RYR1: variants seen among roughly 807,000 people sequenced by gnomAD.
The protein encoded by RYR1 is central core disease of muscle.
Under a neutral mutation model 583.5 loss-of-function variants are expected in RYR1, and 342 were observed. The observed-to-expected ratio is 0.59, with a 90% CI of 0.54 to 0.64. The LOEUF (loss-of-function observed/expected upper bound fraction) is 0.64. RYR1 is among the 30% of genes least tolerant of loss of function. The pLI is 0.00. For synonymous variants in RYR1, 2,791 were observed against 2,822.5 expected (o/e 0.99, Z 0.35); for missense variants, 6,032 against 6,917.2 (o/e 0.87, Z 4.54).
At chr19:38,521,910 G>A (rs934745920) in intron 67 of RYR1, among the ~76,000 whole-genome samples, 8 of 151,808 alleles carry the variant, frequency 5.3e-5, no homozygotes, top group South Asian at 2.1e-4. Context: ...AGGTTTCACC[G>A]TGTTAGCCAG....
At chr19:38,550,925 C>T (rs915760982) in intron 89 of RYR1, among the ~76,000 whole-genome samples, 15 of 151,140 alleles carry the variant, frequency 9.9e-5, no homozygotes, top group African/African-American at 3.6e-4. Context: ...GCTTTACCAT[C>T]ACTAGGCACC....
At position 38,469,290 on chromosome 19, in the gene RYR1, A is replaced by G. The variant is rs1421593107; in HGVS notation, c.3557-15A>G. On this transcript the variant is annotated splice_polypyrimidine_tract_variant and intron_variant, in intron 26 of 105. Coordinates refer to ENST00000359596, the MANE Select transcript of RYR1 (RefSeq NM_000540.3). ...CACCTGCCCTCACCCCTGCCCATCC[A>G]TCCCCTCCCACCAGGCTTCCTGCCC... 1.2e-6 allele frequency: 2 copies of G among 1,612,502 alleles called. No homozygotes were observed. Among genetic ancestry groups the G allele is most frequent in the East Asian group, 4.5e-5 (2 of 44,842 alleles).
chr19:38,568,969 G>C (rs1419776512), intron 93 of RYR1, among the ~76,000 whole-genome samples: 1 of 152,148 alleles, frequency 6.6e-6, no homozygotes, highest in African/African-American at 2.4e-5. Flanking sequence ...CAGGAGTTTG[G>C]GGCAAGCCAG....
intron 89 of RYR1, among the ~76,000 whole-genome samples, chr19:38,551,412 G>C (rs979586509): frequency 6.6e-6 from 1 of 151,982 alleles, no homozygotes; most frequent in Non-Finnish European, 1.5e-5. Context: ...GGTTGCAGCT[G>C]TGACTGGCCA....
intron 33 of RYR1, among the ~76,000 whole-genome samples, chr19:38,484,082 G>A (rs941963736): frequency 4.6e-5 from 7 of 152,008 alleles, no homozygotes; most frequent in East Asian, 1.9e-4. Context: ...ATCCCAGCAC[G>A]TTGGGAGGCT....
rs564891795 is a variant in RYR1 at position 38,527,509 on chromosome 19, C to T, written c.10687-138C>T. On this transcript the variant is annotated intron_variant, in intron 72 of 105. Coordinates refer to ENST00000359596, the MANE Select transcript of RYR1 (RefSeq NM_000540.3). ...TGGGTGATGGGGCGAGGCTCCGTCTCAAAACAAAAAGATGAAGAAGAAGAA... is the reference window on the plus strand; with the variant it reads ...TGGGTGATGGGGCGAGGCTCCGTCTTAAAACAAAAAGATGAAGAAGAAGAA... The T allele has an allele frequency of 3.5e-4, 427 of 1,210,032 alleles. 7 individuals carry two copies. In the South Asian group the frequency reaches 5.6e-3, roughly 16 times the overall value. The allele number at this position is 1,210,032 out of a possible 1,614,324, so 75.0% of individuals were successfully genotyped here.
intron 89 of RYR1, among the ~76,000 whole-genome samples, chr19:38,552,468 G>T (rs980792457): frequency 2.6e-5 from 4 of 151,792 alleles, no homozygotes; most frequent in African/African-American, 9.7e-5. Context: ...GGCCAAGGTG[G>T]TCTCGATCTC....
At chr19:38,577,106 G>A (rs1302803764) in intron 97 of RYR1, among the ~76,000 whole-genome samples, 1 of 151,878 alleles carries the variant, frequency 6.6e-6, no homozygotes, top group African/African-American at 2.4e-5. Flanking sequence ...GGCTGATCTC[G>A]AACTCCTGAC....
At chr19:38,465,034 G>A (rs1042319655) in intron 23 of RYR1, among the ~76,000 whole-genome samples, 5 of 152,160 alleles carry the variant, frequency 3.3e-5, no homozygotes, top group Non-Finnish European at 7.3e-5. Flanking sequence ...CCAATGGTAA[G>A]AGGTGAGAAT....
rs1275754385 is a variant in RYR1 at position 38,441,650 on chromosome 19, G to A, written c.166-699G>A. ...AGGGGCCTGACTTGGGAGACTGGGG[G>A]CTGAGAGGTGGAAGGAGCCTGGGGT... On this transcript the variant is annotated intron_variant, in intron 2 of 105. Transcript: ENST00000359596. Among the ~76,000 whole-genome samples, 12 of 149,888 alleles carry A rather than the reference G, an allele frequency of 8.0e-5. No homozygotes were observed. The South Asian group carries it at 1.7e-3, about 21-fold the overall frequency.
chr19:38,570,740 T>A, intron 94 of RYR1, 47 bp downstream of exon 94: 2 of 1,453,736 alleles, frequency 1.4e-6, no homozygotes, highest in Non-Finnish European at 1.9e-6. Context: ...TTCCATGCTG[T>A]GGGATGGGAG....
At position 38,505,022 on chromosome 19, in the gene RYR1, C is replaced by T; in HGVS notation, c.8251C>T (p.Leu2751=). 1.9e-6 allele frequency: 3 copies of T among 1,614,178 alleles called. No homozygotes were observed. The highest frequency in any genetic ancestry group is 1.7e-5 in the Admixed American group (1 of 60,022). ...ETLNVIIPEK[L]DSFINKFAEY... Reference sequence around the variant, plus strand: ...CAACAGTGTGATCATCCCGGAGAAGCTGGACTCCTTCATTAACAAGTTTGC... The same window carrying T: ...CAACAGTGTGATCATCCCGGAGAAGTTGGACTCCTTCATTAACAAGTTTGC... The change falls in exon 52 of 106, where the codon CTG becomes TTG. Residue 2751 remains leucine, a synonymous_variant. Transcript: ENST00000359596.
At chr19:38,567,504 T>C (rs1448821319) in intron 92 of RYR1, among the ~76,000 whole-genome samples, 1 of 152,048 alleles carries the variant, frequency 6.6e-6, no homozygotes, top group Non-Finnish European at 1.5e-5. Context: ...AGGTGTCTCC[T>C]CCAGATTCCC....
rs980283007 is a variant in RYR1 at position 38,496,959 on chromosome 19, G to A, written c.6891+5G>A. 5 of 1,612,642 alleles carry A rather than the reference G, an allele frequency of 3.1e-6. No individual in the cohort carries two copies. The highest frequency in any genetic ancestry group is 1.3e-5 in the African/African-American group (1 of 74,926). ...CAGGAGCAGGACCTGGAAAAGGTGT[G>A]GAGGGCAGGGCTGGGCCCCAGGCCT... On this transcript the variant is annotated splice_donor_5th_base_variant and intron_variant, in intron 42 of 105. Transcript: ENST00000359596. The surrounding 1 kb of genome is among the most constrained non-coding windows in gnomAD (Gnocchi z 4.8).
In RYR1 at chr19:38,443,663, G is replaced by T. The variant is rs1474873655; in HGVS notation, c.345+31G>T. On this transcript the variant is annotated intron_variant, in intron 4 of 105. Coordinates refer to ENST00000359596, the MANE Select transcript of RYR1 (RefSeq NM_000540.3). ...TGCAACCTCGGTGGGCGTGGGCAGG[G>T]GCCAGGGCATGTGGGGCCTGCTAGA... is the stretch of plus-strand genomic sequence containing the variant. The T allele has an allele frequency of 8.7e-6, 14 of 1,613,846 alleles. No individual in the cohort carries two copies. In the South Asian group the frequency reaches 1.4e-4, roughly 16 times the overall value.
At chr19:38,573,512 T>C (rs1017562383) in intron 96 of RYR1, among the ~76,000 whole-genome samples, 1 of 152,102 alleles carries the variant, frequency 6.6e-6, no homozygotes, top group African/African-American at 2.4e-5. Context: ...AAATCCCGTC[T>C]CTACTAAAAG....
Position 38,452,692 on chromosome 19 carries a change from T to A in RYR1, c.1245-127T>A, listed in dbSNP as rs970427142. The A allele has an allele frequency of 1.3e-5, 11 of 817,850 alleles. No homozygotes were observed. The African/African-American group carries it at 1.5e-4, about 11-fold the overall frequency. The allele number at this position is 817,850 out of a possible 1,614,324, so 50.7% of individuals were successfully genotyped here. On this transcript the variant is annotated intron_variant, in intron 12 of 105. Coordinates refer to ENST00000359596, the MANE Select transcript of RYR1 (RefSeq NM_000540.3). ...CCTCGGACAAATGCTTTTCCCTCTC[T>A]GCGTCTCGGTCTCCCTCTCTGTAAA...
chr19:38,502,753 GGGC>G, intron 48 of RYR1, 26 bp downstream of exon 48: 1 of 378,664 alleles, frequency 2.6e-6, no homozygotes. Context: ...CTTCAGGGTG[GGGC>G]AGGGGCAGGG....
intron 22 of RYR1, 50 bp downstream of exon 22, chr19:38,463,900 G>T (rs763580343): frequency 8.0e-6 from 11 of 1,371,864 alleles, no homozygotes; most frequent in Non-Finnish European, 1.1e-5. Flanking sequence ...GGTGCGGTGG[G>T]GGAGGGAGGC....
Sources: gnomAD v4.1 joint callset for allele counts (sites outside exome capture counted in the v4.1 genomes callset) on GRCh38, gnomAD v4.1.1 for gene constraint, Gnocchi (gnomAD v3.1) non-coding constraint, MANE v1.5 for transcripts, NCBI Gene and HGNC (gene_info 2026-07-23, HGNC 2026-07-21) for gene names.